The following TKTL1 variants were observed in gnomAD, a reference collection of about 807,000 sequenced individuals.
TKTL1 encodes the protein transketolase-like protein 1.
TKTL1 carries 1 observed loss-of-function variant against 39.3 expected under a neutral mutation model. The observed-to-expected ratio is 0.03, with a 90% CI of 0.01 to 0.12. TKTL1 has a LOEUF of 0.12. Among genes scored for constraint, TKTL1 ranks in the 10% least tolerant of loss-of-function variants. TKTL1 has a pLI of 1.00. For missense variants in TKTL1, 575 were observed against 509.6 expected, an observed-to-expected ratio of 1.13 and a Z score of -1.24; for synonymous variants, 262 against 193.8, an observed-to-expected ratio of 1.35 and a Z score of -2.92.
chrX:154,324,117 C>G (rs781904074), intron 9 of TKTL1, among the ~76,000 whole-genome samples: 1 of 110,448 alleles, frequency 9.1e-6, no homozygotes, highest in Non-Finnish European at 1.9e-5. Flanking sequence ...TTATTAGGTA[C>G]TTTTTTGTGT....
Position 154,295,816 on chromosome X carries a change from G to T in TKTL1, c.-44G>T. 1 of 1,190,520 alleles carries T rather than the reference G, an allele frequency of 8.4e-7. No homozygotes were observed. Among genetic ancestry groups the T allele is most frequent in the South Asian group, 1.8e-5 (1 of 54,439 alleles). ...AGGCGCCATTCGCTCTTCAGACGCC[G>T]GAGACGTAGGAGTGGGTCTTCAGAC... On this transcript the variant is annotated 5_prime_UTR_variant, in exon 1 of 13. Transcript: ENST00000369915.
In TKTL1 at chrX:154,315,212, C is replaced by T. The variant is rs1557169111; in HGVS notation, c.904C>T (p.Leu302=). 2 of 1,209,686 alleles carry T rather than the reference C, an allele frequency of 1.7e-6. No individual in the cohort carries two copies. The highest frequency in any genetic ancestry group is 3.5e-5 in the African/African-American group (2 of 57,137). Residue 302 remains leucine (L), a synonymous_variant, in exon 7 of 13, where the codon CTG becomes TTG. Coordinates refer to ENST00000369915, the MANE Select transcript of TKTL1 (RefSeq NM_012253.4). ...AGCATGCGGTCTGGCTCTGGCTAAG[C>T]TGGGCTACGCGAACAACAGAGTCGT... ...RKACGLALAK[L]GYANNRVVVL... is the part of the protein sequence containing the mutation.
intron 10 of TKTL1, chrX:154,327,251 C>T (rs1263520224): frequency 2.6e-6 from 1 of 389,333 alleles, no homozygotes; most frequent in African/African-American, 2.5e-5. Context: ...AGAGTTCAGG[C>T]ACACAAGATC....
At chrX:154,303,280 A>C (rs1482831720) in intron 1 of TKTL1, among the ~76,000 whole-genome samples, 1 of 102,020 alleles carries the variant, frequency 9.8e-6, no homozygotes, top group Non-Finnish European at 2.0e-5. Flanking sequence ...TGGCGTGATC[A>C]TGGCTCACTA....
chrX:154,321,852 A>C (rs1484260852), intron 8 of TKTL1, among the ~76,000 whole-genome samples: 2 of 108,953 alleles, frequency 1.8e-5, no homozygotes, highest in African/African-American at 6.7e-5. Flanking sequence ...GTGAAGCTGG[A>C]GGCACAGGTG....
At chrX:154,315,796 A>G (rs782526923) in intron 7 of TKTL1, among the ~76,000 whole-genome samples, 12 of 112,325 alleles carry the variant, frequency 1.1e-4, no homozygotes, top group Non-Finnish European at 2.1e-4. Flanking sequence ...TACTTCAATC[A>G]CAAGAATATC....
chrX:154,313,285 C>T (rs1341085682), intron 6 of TKTL1, among the ~76,000 whole-genome samples: 1 of 112,367 alleles, frequency 8.9e-6, no homozygotes, highest in African/African-American at 3.2e-5. Context: ...GCGGGCTGAC[C>T]TTTTGAACTT....
intron 9 of TKTL1, among the ~76,000 whole-genome samples, chrX:154,324,990 T>C (rs144485727): frequency 0.01 from 1,176 of 112,077 alleles, 7 homozygotes; most frequent in Non-Finnish European, 0.016. Flanking sequence ...TTACAAGTTA[T>C]TGTGGCAAAA....
At chrX:154,322,733 C>T (rs919776578) in intron 8 of TKTL1, among the ~76,000 whole-genome samples, 5 of 111,174 alleles carry the variant, frequency 4.5e-5, no homozygotes, top group African/African-American at 1.3e-4. Flanking sequence ...CTGTAGCACC[C>T]TCAGCATGCT....
chrX:154,327,979 T>C, intron 12 of TKTL1, 21 bp downstream of exon 12: 1 of 1,210,430 alleles, frequency 8.3e-7, no homozygotes, highest in Non-Finnish European at 1.1e-6. Context: ...GCATTGAGAA[T>C]GCTTTGGAAG....
chrX:154,321,515 T>C (rs782560835), intron 8 of TKTL1, among the ~76,000 whole-genome samples: 1 of 24,029 alleles, frequency 4.2e-5, no homozygotes, highest in African/African-American at 1.6e-4. Flanking sequence ...ACCAGGGGGG[T>C]GGGGGGGGAC....
chrX:154,306,426 G>T (rs1249800071), intron 2 of TKTL1, among the ~76,000 whole-genome samples: 1 of 111,746 alleles, frequency 8.9e-6, no homozygotes, highest in African/African-American at 3.3e-5. Context: ...GGTCATAATT[G>T]TGACCCTTGT....
intron 12 of TKTL1, 45 bp downstream of exon 12, chrX:154,328,003 T>C (rs782597431): frequency 3.3e-6 from 4 of 1,203,879 alleles, no homozygotes; most frequent in Non-Finnish European, 4.5e-6. Context: ...TTGGTGTTTT[T>C]GTTTCCTTGA....
chrX:154,295,871 T>A lies in TKTL1; in HGVS notation c.12T>A (p.Ala4=), dbSNP rs138329838. MAD[A]EARAEFPEEA... is the part of the protein sequence containing the mutation. Reference sequence around the variant, plus strand: ...AAGGGGTTGGACTAATGGCGGATGCTGAGGCGAGGGCTGAGTTCCCGGAGG... The same window carrying A: ...AAGGGGTTGGACTAATGGCGGATGCAGAGGCGAGGGCTGAGTTCCCGGAGG... The change falls in exon 1 of 13, where the codon GCT becomes GCA. Residue 4 remains alanine, a synonymous_variant. Transcript: ENST00000369915. 3 of 1,211,368 alleles carry A rather than the reference T, an allele frequency of 2.5e-6. No individual in the cohort carries two copies. Among genetic ancestry groups the A allele is most frequent in the Non-Finnish European group, 3.4e-6 (3 of 895,250 alleles).
intron 1 of TKTL1, among the ~76,000 whole-genome samples, chrX:154,301,072 C>A (rs782362359): frequency 9.0e-6 from 1 of 110,862 alleles, no homozygotes; most frequent in Non-Finnish European, 1.9e-5. Flanking sequence ...ATTTGGATGC[C>A]CTTTATTTAT....
chrX:154,302,876 C>T (rs1338065560), intron 1 of TKTL1, among the ~76,000 whole-genome samples: 5 of 110,956 alleles, frequency 4.5e-5, no homozygotes, highest in African/African-American at 1.6e-4. Context: ...GAGGCAGGGA[C>T]GGGAGTGACC....
intron 2 of TKTL1, among the ~76,000 whole-genome samples, chrX:154,308,047 C>T (rs7878511): frequency 0.033 from 3,733 of 111,712 alleles, 161 homozygotes; most frequent in African/African-American, 0.12. Context: ...GATGACCTCG[C>T]TCATCTCTGC....
intron 9 of TKTL1, among the ~76,000 whole-genome samples, 198 bp downstream of exon 9, chrX:154,323,535 G>T (rs2067469118): frequency 8.9e-6 from 1 of 112,259 alleles, no homozygotes; most frequent in Non-Finnish European, 1.9e-5. Context: ...AACAGTACAG[G>T]ATACTGAACA....
rs191231100 is a variant in TKTL1 at position 154,320,635 on chromosome X, G to A, written c.1030-122G>A. 15 of 715,064 alleles carry A rather than the reference G, an allele frequency of 2.1e-5. No homozygotes were observed. The East Asian group carries it at 3.5e-4, about 17-fold the overall frequency. The allele number at this position is 715,064 out of a possible 1,213,427, so 58.9% of individuals were successfully genotyped here. On this transcript the variant is annotated intron_variant, in intron 7 of 12. Coordinates refer to ENST00000369915, the MANE Select transcript of TKTL1 (RefSeq NM_012253.4). ...GAGGAAAGAGGGGTGTGGGAAGGACGCATGCTAGAACTTCAGAGCAGTTCA... is the reference window on the plus strand; with the variant it reads ...GAGGAAAGAGGGGTGTGGGAAGGACACATGCTAGAACTTCAGAGCAGTTCA...
Sources: allele counts gnomAD v4.1 joint callset (sites outside exome capture counted in the v4.1 genomes callset), GRCh38; gene constraint gnomAD v4.1.1; transcripts MANE v1.5; gene names NCBI Gene and HGNC (gene_info 2026-07-23, HGNC 2026-07-21).